MAPK6: variants seen among roughly 807,000 people sequenced by gnomAD.
MAPK6 encodes ERK-3.
Under a neutral mutation model 59.3 loss-of-function variants are expected in MAPK6, and 19 were observed. The observed-to-expected ratio is 0.32, with a 90% confidence interval of 0.22 to 0.47. The LOEUF (loss-of-function observed/expected upper bound fraction) is 0.47, where lower values mean the gene tolerates loss of function less well. Among genes scored for constraint, MAPK6 ranks in the 20% least tolerant of loss-of-function variants. MAPK6 has a pLI of 1.00. For missense variants in MAPK6, 724 were observed against 847.9 expected (o/e 0.85, Z 1.81); for synonymous variants, 316 against 290.3 (o/e 1.09, Z -0.90).
At chr15:51,975,280 C>T (rs932727048) in intron 1 of MAPK6, among the ~76,000 whole-genome samples, 6 of 151,736 alleles carry the variant, frequency 4.0e-5, no homozygotes, top group Non-Finnish European at 7.4e-5. Flanking sequence ...CGGTGGCTCA[C>T]GCCTGTAATC....
intron 3 of MAPK6, among the ~76,000 whole-genome samples, chr15:52,012,816 G>A (rs558814077): frequency 8.0e-5 from 12 of 150,804 alleles, no homozygotes; most frequent in Non-Finnish European, 1.2e-4. Context: ...GTGAAACCTC[G>A]TCTTTACTAA....
At chr15:52,040,165 C>T (rs2031373626) in intron 1 of MAPK6, among the ~76,000 whole-genome samples, 2 of 152,224 alleles carry the variant, frequency 1.3e-5, no homozygotes, top group Admixed American at 1.3e-4. Context: ...GAGCTTGAGA[C>T]ATGATCTCAG....
At chr15:52,003,219 C>A (rs555782823) in intron 2 of MAPK6, among the ~76,000 whole-genome samples, 14 of 151,808 alleles carry the variant, frequency 9.2e-5, no homozygotes, top group Non-Finnish European at 1.6e-4. Context: ...ACAAAAAAAA[C>A]ACGATCAGAT....
At position 51,994,490 on chromosome 15, in the gene MAPK6, G is replaced by C. The variant is rs771250564; in HGVS notation, c.-769-9775G>C. Among the ~76,000 whole-genome samples the C allele has an allele frequency of 4.6e-5, 7 of 152,132 alleles. 1 individual carries two copies. The South Asian group carries it at 8.3e-4, about 18-fold the overall frequency. On this transcript the variant is annotated intron_variant, in intron 2 of 7. Coordinates refer to the MAPK6 transcript ENST00000691380. Reference sequence around the variant, plus strand: ...TTCATCATGATTATCACTGTGGTAAGCAATGATCGTGCCACTGTACTCCAG... The same window carrying C: ...TTCATCATGATTATCACTGTGGTAACCAATGATCGTGCCACTGTACTCCAG...
chr15:51,984,420 T>A (rs913385710), intron 2 of MAPK6, among the ~76,000 whole-genome samples: 1 of 147,592 alleles, frequency 6.8e-6, no homozygotes. Flanking sequence ...TAGCTGGGAC[T>A]ACAGGCGCCT....
chr15:51,991,221 A>G (rs1034566707), intron 2 of MAPK6, among the ~76,000 whole-genome samples: 10 of 151,996 alleles, frequency 6.6e-5, no homozygotes, highest in African/African-American at 2.4e-4. Context: ...ATGTATATAT[A>G]TGTGTATATA....
chr15:51,992,243 C>T (rs570585714), intron 2 of MAPK6, among the ~76,000 whole-genome samples: 1 of 150,320 alleles, frequency 6.7e-6, no homozygotes, highest in African/African-American at 2.5e-5. Flanking sequence ...CAGGCATGAG[C>T]CACCGCACCC....
intron 1 of MAPK6, among the ~76,000 whole-genome samples, chr15:52,030,611 CTTTTTTTTTTT>C (rs11295636): frequency 2.0e-4 from 7 of 35,740 alleles, no homozygotes; most frequent in African/African-American, 8.0e-4. Flanking sequence ...CAGAAGAAGG[CTTTTTTTTTTT>C]TTTTTTTTTT....
At chr15:52,038,593 T>C (rs1295272152) in intron 1 of MAPK6, among the ~76,000 whole-genome samples, 1 of 152,204 alleles carries the variant, frequency 6.6e-6, no homozygotes, top group Non-Finnish European at 1.5e-5. Flanking sequence ...TCCTGACTGC[T>C]TTGAAAATTT....
At chr15:51,976,885 A>G (rs1178977157) in intron 1 of MAPK6, among the ~76,000 whole-genome samples, 4 of 151,784 alleles carry the variant, frequency 2.6e-5, no homozygotes, top group Non-Finnish European at 5.9e-5. Flanking sequence ...CGGAGGATGC[A>G]GGAGCCTAGA....
chr15:51,989,486 T>C (rs144663615), intron 2 of MAPK6, among the ~76,000 whole-genome samples: 4 of 152,322 alleles, frequency 2.6e-5, no homozygotes, highest in Non-Finnish European at 5.9e-5. Flanking sequence ...CAATTGCCAG[T>C]AAGAGTTTCT....
chr15:52,009,815 C>T (rs1414112207), intron 3 of MAPK6, among the ~76,000 whole-genome samples: 1 of 152,020 alleles, frequency 6.6e-6, no homozygotes, highest in Non-Finnish European at 1.5e-5. Context: ...CTCTGTCGCC[C>T]AGGCTAGAGT....
At chr15:52,048,884 C>T (rs539826109) in intron 2 of MAPK6, among the ~76,000 whole-genome samples, 5 of 151,482 alleles carry the variant, frequency 3.3e-5, no homozygotes, top group East Asian at 3.9e-4. Flanking sequence ...ATTACACTGA[C>T]GACGTCCACA....
rs889829521 is a variant in MAPK6 at position 52,046,583 on chromosome 15, C to T, written c.123C>T (p.Asp41=). Residue 41 remains aspartate, a synonymous_variant, in exon 2 of 6, where the codon GAC becomes GAT. Transcript: ENST00000261845. ...NGLVFSAVDN[D]CDKRVAIKKI... ...TGGTTTTTTCTGCTGTAGACAATGA[C>T]TGTGACAAAAGAGTAGCCATCAAGA... 1 of 1,614,032 alleles carries T rather than the reference C, an allele frequency of 6.2e-7. No homozygotes were observed. The highest frequency in any genetic ancestry group is 1.3e-5 in the African/African-American group (1 of 74,914).
rs1368435941 is a variant in MAPK6, at chr15:52,064,843, T to C, written c.2009T>C (p.Phe670Ser). 1 of 1,611,966 alleles carries C rather than the reference T, an allele frequency of 6.2e-7. No individual in the cohort carries two copies. The highest frequency in any genetic ancestry group is 8.5e-7 in the Non-Finnish European group (1 of 1,179,830). Reference protein sequence around the residue: ...GFLNNSGEFLFNKQLESIGIP... With the variant: ...GFLNNSGEFLSNKQLESIGIP... ...CTGAACAACAGTGGGGAGTTCCTCT[T>C]TAACAAGCAGCTCGAGTCCATAGGC... The change falls in exon 6 of 6, where the codon TTT (phenylalanine) becomes TCT (serine). Residue 670 changes from phenylalanine (F) to serine (S), a missense_variant. Physicochemically the swap from Phe to Ser is radical, Grantham distance 155 (BLOSUM62 -2). This residue lies in a region of MAPK6 where 502 missense variants were observed against 507.6 expected (regional missense o/e 0.99). Coordinates refer to ENST00000261845, the MANE Select transcript of MAPK6 (RefSeq NM_002748.4).
chr15:52,015,163 G>T, upstream of MAPK6, among the ~76,000 whole-genome samples: 1 of 151,772 alleles, frequency 6.6e-6, no homozygotes, highest in Non-Finnish European at 1.5e-5. Context: ...ACCAGGCCCG[G>T]CTAATTTTTG....
chr15:52,026,270 A>C (rs1463580308), intron 1 of MAPK6, among the ~76,000 whole-genome samples: 1 of 151,994 alleles, frequency 6.6e-6, no homozygotes, highest in Non-Finnish European at 1.5e-5. Flanking sequence ...GTGGTTCTTA[A>C]CCTCCTACCT....
rs11341546 is a variant in MAPK6, at chr15:52,039,509, C to CTTTT, written c.-631-6301_-631-6298dup. On this transcript the variant is annotated intron_variant, in intron 1 of 5. Coordinates refer to ENST00000261845, the MANE Select transcript of MAPK6 (RefSeq NM_002748.4). ...TGGTAGTAGTAGGTGAGTGTTTTGT[C>CTTTT]TTTTTTTTTTTTTTTTTTTTTTTGA... 3.7e-4 allele frequency among the ~76,000 whole-genome samples: 32 copies of CTTTT among 85,826 alleles called. 1 individual carries two copies. Among genetic ancestry groups the CTTTT allele is most frequent in the Non-Finnish European group, 6.9e-4 (29 of 41,810 alleles). 56.3% of individuals were successfully genotyped at this position (85,826 alleles called of 152,430 possible).
chr15:52,046,691 T>C lies in MAPK6; in HGVS notation c.231T>C (p.Ile77=), dbSNP rs779496309. 6.2e-6 allele frequency: 10 copies of C among 1,614,150 alleles called. No individual in the cohort carries two copies. In the South Asian group the frequency reaches 9.9e-5, roughly 16 times the overall value. Residue 77 remains isoleucine, a synonymous_variant, in exon 2 of 6, where the codon ATT becomes ATC. Coordinates refer to ENST00000261845, the MANE Select transcript of MAPK6 (RefSeq NM_002748.4). ...KIIRRLDHDN[I]VKVFEILGPS... ...TTAGAAGACTTGACCATGATAACAT[T>C]GTGAAAGTGTTTGAGATTCTTGGTC...
Sources: gnomAD v4.1 joint callset for allele counts (sites outside exome capture counted in the v4.1 genomes callset) on GRCh38, gnomAD v4.1.1 for gene constraint, gnomAD v4.1.1 regional missense constraint, MANE v1.5 for transcripts, NCBI Gene and HGNC (gene_info 2026-07-23, HGNC 2026-07-21) for gene names.